Variants in PCSK2 observed in about 807,000 individuals in gnomAD.
PCSK2 encodes neuroendocrine convertase 2.
In PCSK2, 14 loss-of-function variants were observed where a neutral mutation model predicts 69.7. That is an observed-to-expected ratio of 0.20 (90% CI 0.13 to 0.31). The LOEUF is 0.31. Ranked by LOEUF, PCSK2 falls within the 10% of genes least tolerant of loss-of-function variation. PCSK2 has a pLI of 1.00. For synonymous variants in PCSK2, 307 were observed against 320.7 expected, an observed-to-expected ratio of 0.96 and a Z score of 0.46; for missense variants, 544 against 842.5, an observed-to-expected ratio of 0.65 and a Z score of 4.39.
chr20:17,342,283 G>C (rs1354442045), intron 2 of PCSK2, among the ~76,000 whole-genome samples: 1 of 152,208 alleles, frequency 6.6e-6, no homozygotes, highest in African/African-American at 2.4e-5. Context: ...AATGCATTTA[G>C]TGTTAAGCAA....
intron 5 of PCSK2, among the ~76,000 whole-genome samples, chr20:17,403,696 C>T (rs2031693661): frequency 6.6e-6 from 1 of 152,200 alleles, no homozygotes. Context: ...AGGACAAATG[C>T]AATGCGGTTT....
chr20:17,287,426 C>T (rs911116490), intron 2 of PCSK2, among the ~76,000 whole-genome samples: 2 of 102,184 alleles, frequency 2.0e-5, no homozygotes, highest in Non-Finnish European at 3.9e-5. Flanking sequence ...CCAGCATGTG[C>T]GTGTCTGTGT....
At chr20:17,353,221 G>A (rs537242920) in intron 2 of PCSK2, among the ~76,000 whole-genome samples, 1 of 138,776 alleles carries the variant, frequency 7.2e-6, no homozygotes, top group African/African-American at 2.8e-5. Flanking sequence ...CCAGCACTTT[G>A]GGAGGCCAAG....
chr20:17,236,717 T>C (rs1260308956), intron 1 of PCSK2, among the ~76,000 whole-genome samples: 1 of 152,210 alleles, frequency 6.6e-6, no homozygotes, highest in African/African-American at 2.4e-5. Context: ...TAGGTTTTAC[T>C]GAAACATGAA....
chr20:17,309,946 G>T (rs1161148953), intron 2 of PCSK2, among the ~76,000 whole-genome samples: 2 of 151,714 alleles, frequency 1.3e-5, no homozygotes, highest in Non-Finnish European at 2.9e-5. Flanking sequence ...GGAGGAGAGA[G>T]GTTTAATAGG....
chr20:17,305,886 T>A (rs1989311487), intron 2 of PCSK2, among the ~76,000 whole-genome samples: 1 of 152,176 alleles, frequency 6.6e-6, no homozygotes, highest in Admixed American at 6.6e-5. Context: ...ACACAAAAAC[T>A]AAACAAAATA....
At chr20:17,247,968 G>C (rs1172120100) in intron 1 of PCSK2, among the ~76,000 whole-genome samples, 1 of 152,112 alleles carries the variant, frequency 6.6e-6, no homozygotes, top group East Asian at 1.9e-4. Flanking sequence ...ACAATGAGAA[G>C]TGTTGCTGAG....
chr20:17,302,244 C>T (rs566638755), intron 2 of PCSK2, among the ~76,000 whole-genome samples: 1 of 152,246 alleles, frequency 6.6e-6, no homozygotes, highest in East Asian at 1.9e-4. Context: ...GACCCTATAT[C>T]CACTCAACAA....
chr20:17,308,686 G>A (rs892067724), intron 2 of PCSK2, among the ~76,000 whole-genome samples: 6 of 152,200 alleles, frequency 3.9e-5, no homozygotes, highest in African/African-American at 1.4e-4. Context: ...AGTTCAGCTA[G>A]GTGGGTGTCT....
chr20:17,371,123 G>T (rs1253382815), intron 5 of PCSK2, among the ~76,000 whole-genome samples: 1 of 152,160 alleles, frequency 6.6e-6, no homozygotes, highest in Non-Finnish European at 1.5e-5. Context: ...CTTCAAGGTG[G>T]GGTGGTACCC....
intron 2 of PCSK2, among the ~76,000 whole-genome samples, chr20:17,281,862 G>A (rs929593706): frequency 2.0e-5 from 3 of 152,126 alleles, no homozygotes; most frequent in African/African-American, 7.2e-5. Flanking sequence ...TCCCACCTAT[G>A]GATAAAGATT....
At chr20:17,347,869 GAAAA>G (rs1180596557) in intron 2 of PCSK2, among the ~76,000 whole-genome samples, 2 of 35,384 alleles carry the variant, frequency 5.7e-5, no homozygotes, top group African/African-American at 1.1e-4. Flanking sequence ...AGAGGAGAGA[GAAAA>G]AAGAAAGAAA....
chr20:17,315,783 G>A (rs1279693177), intron 2 of PCSK2, among the ~76,000 whole-genome samples: 2 of 152,214 alleles, frequency 1.3e-5, no homozygotes, highest in Non-Finnish European at 2.9e-5. Context: ...ACGGTCTCCT[G>A]CAGGGCTGCG....
At chr20:17,447,080 C>T (rs1011745651) in intron 8 of PCSK2, among the ~76,000 whole-genome samples, 1 of 145,840 alleles carries the variant, frequency 6.9e-6, no homozygotes, top group Non-Finnish European at 1.5e-5. Flanking sequence ...TGGTGAAACT[C>T]CGTCATCTCT....
At chr20:17,402,014 C>T (rs557900849) in intron 5 of PCSK2, among the ~76,000 whole-genome samples, 5 of 152,246 alleles carry the variant, frequency 3.3e-5, no homozygotes, top group Admixed American at 6.5e-5. Flanking sequence ...CTCCATCTAG[C>T]CTAATACATG....
intron 1 of PCSK2, among the ~76,000 whole-genome samples, chr20:17,246,553 T>A (rs1986778524): frequency 6.6e-6 from 1 of 151,620 alleles, no homozygotes; most frequent in African/African-American, 2.4e-5. Context: ...CCAAGAGAGG[T>A]TCCATGTTCC....
chr20:17,330,943 GA>G (rs1446739970), intron 2 of PCSK2, among the ~76,000 whole-genome samples: 22 of 152,110 alleles, frequency 1.4e-4, no homozygotes, highest in Non-Finnish European at 2.8e-4. Flanking sequence ...TCATGAAGGG[GA>G]AAAAAATCTT....
At chr20:17,231,279 C>A (rs999738422) in intron 1 of PCSK2, among the ~76,000 whole-genome samples, 2 of 152,170 alleles carry the variant, frequency 1.3e-5, no homozygotes, top group African/African-American at 4.8e-5. Context: ...ACCTAATAAT[C>A]ATTATGCTGC....
rs1048737700 is a variant in PCSK2, at chr20:17,237,165, C to G, written c.177+9683C>G. 2.0e-5 allele frequency among the ~76,000 whole-genome samples: 3 copies of G among 152,082 alleles called. No homozygotes were observed. The South Asian group carries it at 6.2e-4, about 32-fold the overall frequency. On this transcript the variant is annotated intron_variant, in intron 1 of 11. Transcript: ENST00000262545. The stretch of plus-strand genomic sequence containing the variant: ...AGAAGAATAGGTAAATTGGAAATAA[C>G]AGTGAGAGAGATGAAAGGGAGAGAG...
Sources: allele counts gnomAD v4.1 joint callset (sites outside exome capture counted in the v4.1 genomes callset), GRCh38; gene constraint gnomAD v4.1.1; transcripts MANE v1.5; gene names NCBI Gene and HGNC (gene_info 2026-07-23, HGNC 2026-07-21).